Variants in CYP2R1 observed in about 807,000 individuals in gnomAD.
The protein encoded by CYP2R1 is vitamin D 25-hydroxylase.
A neutral mutation model predicts 45.7 loss-of-function variants in CYP2R1; 40 were observed. The ratio of observed to expected loss-of-function variants is 0.87; its 90% CI spans 0.68 to 1.14. CYP2R1 has a LOEUF of 1.14. Among genes scored for constraint, CYP2R1 ranks in the 50% most tolerant of loss-of-function variants. The probability of loss-of-function intolerance (pLI) is 0.00; values close to 1 mark genes in which losing one functional copy is unlikely to be tolerated. For synonymous variants in CYP2R1, 234 were observed against 219.3 expected (o/e 1.07, Z -0.59); for missense variants, 605 against 602.6 (o/e 1.00, Z -0.04).
rs371909934 is a variant in CYP2R1, at chr11:14,880,413, T to C, written c.723A>G (p.Gly241=). 1.9e-6 allele frequency: 3 copies of C among 1,613,286 alleles called. No homozygotes were observed. The highest frequency in any genetic ancestry group is 2.2e-5 in the East Asian group (1 of 44,858). The change falls in exon 3 of 5, where the codon GGA becomes GGG. Residue 241 remains glycine (G), a synonymous_variant. Transcript: ENST00000334636. ...CATTTCTAAACAGCTGTTGATGTTTTCCAAAAGGCAGGATGCCAATCCATG... is the reference window on the plus strand; with the variant it reads ...CATTTCTAAACAGCTGTTGATGTTTCCCAAAAGGCAGGATGCCAATCCATG... ...AFPWIGILPF[G]KHQQLFRNAA...
At position 14,880,311 on chromosome 11, in the gene CYP2R1, A is replaced by G. The variant is rs782571220; in HGVS notation, c.825T>C (p.His275=). 6.2e-7 allele frequency: 1 copy of G among 1,613,274 alleles called. No homozygotes were observed. The highest frequency in any genetic ancestry group is 8.5e-7 in the Non-Finnish European group (1 of 1,179,540). ...TCTCATCTAAATAAGCATCAACAAA[A>G]TGCTGAGGTAGCTGAGGCTTTCTGT... The part of the protein sequence containing the change: ...SVNRKPQLPQ[H]FVDAYLDEMD... Residue 275 remains histidine (H), a synonymous_variant, in exon 3 of 5, where the codon CAT becomes CAC. Transcript: ENST00000334636.
chr11:14,883,553 A>C (rs1388189307), intron 2 of CYP2R1, among the ~76,000 whole-genome samples: 4 of 151,902 alleles, frequency 2.6e-5, no homozygotes, highest in Admixed American at 6.5e-5. Flanking sequence ...TTAAAGACTT[A>C]AACGTTAGAC....
intron 1 of CYP2R1, chr11:14,886,520 G>C (rs1156330887): frequency 6.5e-6 from 1 of 153,666 alleles, no homozygotes; most frequent in Non-Finnish European, 1.4e-5. Context: ...TTACCACATA[G>C]GTTAGGTGGC....
At chr11:14,887,833 C>A (rs1848678017) in intron 1 of CYP2R1, 1 of 154,720 alleles carries the variant, frequency 6.5e-6, no homozygotes, top group South Asian at 2.0e-4. Context: ...TTTCTACCTT[C>A]AGAATATAAA....
intron 1 of CYP2R1, chr11:14,891,050 G>A (rs1848832878): frequency 3.0e-6 from 3 of 985,400 alleles, no homozygotes; most frequent in Non-Finnish European, 3.6e-6. Context: ...CTAGCGTCAG[G>A]CCTGTAGTTG....
In CYP2R1 at chr11:14,885,910, C is replaced by T. The variant is rs1555014387; in HGVS notation, c.233G>A (p.Ser78Asn). 3 of 1,613,250 alleles carry T rather than the reference C, an allele frequency of 1.9e-6. No homozygotes were observed. Among genetic ancestry groups the T allele is most frequent in the Admixed American group, 1.7e-5 (1 of 59,938 alleles). Reference protein sequence around the residue: ...KQSQVYGEIFSLDLGGISTVV... With the variant: ...KQSQVYGEIFNLDLGGISTVV... The stretch of plus-strand genomic sequence containing the variant: ...AGTTGATATGCCTCCAAGATCTAAA[C>T]TGAAGATCTTTGAGAAGAGAAGAAA... Residue 78 changes from serine to asparagine, a missense_variant, in exon 2 of 5, where the codon AGT (serine) becomes AAT (asparagine). Ser to Asn is a conservative substitution (Grantham distance 46). Coordinates refer to ENST00000334636, the MANE Select transcript of CYP2R1 (RefSeq NM_024514.5).
rs1277763004 is a variant in CYP2R1, at chr11:14,880,428, G to A, written c.708C>T (p.Gly236=). 1 of 1,613,368 alleles carries A rather than the reference G, an allele frequency of 6.2e-7. No homozygotes were observed. Among genetic ancestry groups the A allele is most frequent in the Admixed American group, 1.7e-5 (1 of 59,834 alleles). The part of the protein sequence containing the change: ...VFLYNAFPWI[G]ILPFGKHQQL... ...GTTGATGTTTTCCAAAAGGCAGGAT[G>A]CCAATCCATGGAAAGGCATTATACA... Residue 236 remains glycine, a synonymous_variant, in exon 3 of 5, where the codon GGC becomes GGT. Transcript: ENST00000334636.
intron 3 of CYP2R1, 90 bp from the exon 4 acceptor site, chr11:14,879,533 A>C: frequency 9.7e-7 from 1 of 1,028,662 alleles, no homozygotes; most frequent in East Asian, 2.6e-5. Context: ...AGGATAACCT[A>C]TAACAAGCCA....
intron 1 of CYP2R1, among the ~76,000 whole-genome samples, chr11:14,889,529 C>T (rs1175483463): frequency 2.6e-5 from 4 of 152,092 alleles, no homozygotes; most frequent in Non-Finnish European, 4.4e-5. Context: ...ATTTTTGCTC[C>T]TTTCAGTTTT....
chr11:14,885,994 T>TA (rs1555014490), intron 1 of CYP2R1, 77 bp from the exon 2 acceptor site: 1 of 1,402,490 alleles, frequency 7.1e-7, no homozygotes, highest in African/African-American at 1.4e-5. Flanking sequence ...CTACAAGTGG[T>TA]AAGTGCGGCT....
chr11:14,892,325 G>A, upstream of CYP2R1: 1 of 967,330 alleles, frequency 1.0e-6, no homozygotes, highest in South Asian at 1.5e-5. Flanking sequence ...GTGGCCATTG[G>A]CTGACTGAGT....
At chr11:14,887,635 A>G in intron 1 of CYP2R1, 1 of 985,378 alleles carries the variant, frequency 1.0e-6, no homozygotes, top group Non-Finnish European at 1.2e-6. Context: ...CTTGCCTTCT[A>G]GATCACTCCA....
At position 14,892,029 on chromosome 11, in the gene CYP2R1, G is replaced by A. The variant is rs12794714; in HGVS notation, c.177C>T (p.Ser59=). The A allele has an allele frequency of 0.41, 669,378 of 1,612,994 alleles. 142,827 individuals are homozygous for A. Among genetic ancestry groups the A allele is most frequent in the Admixed American group, 0.46 (27,618 of 59,982 alleles). The change falls in exon 1 of 5, where the codon TCC becomes TCT. Residue 59 remains serine (S), a synonymous_variant. Coordinates refer to ENST00000334636, the MANE Select transcript of CYP2R1 (RefSeq NM_024514.5). ...IGNIYSLAAS[S]ELPHVYMRKQ... The stretch of plus-strand genomic sequence containing the variant: ...TTCTCATGTAGACATGGGGAAGCTC[G>A]GATGAGGCTGCCAGGGAATAGATGT...
At chr11:14,883,084 A>G (rs1475356654) in intron 2 of CYP2R1, among the ~76,000 whole-genome samples, 3 of 152,214 alleles carry the variant, frequency 2.0e-5, no homozygotes, top group Admixed American at 1.3e-4. Flanking sequence ...GGAGGAATCA[A>G]TATCATGAAA....
chr11:14,885,698 G>C, intron 2 of CYP2R1, 78 bp downstream of exon 2: 2 of 1,431,172 alleles, frequency 1.4e-6, no homozygotes, highest in Non-Finnish European at 2.0e-6. Context: ...AATCCCAACT[G>C]TATGCACTAA....
At chr11:14,880,795 T>C in intron 2 of CYP2R1, 27 bp from the exon 3 acceptor site, 1 of 1,581,260 alleles carries the variant, frequency 6.3e-7, no homozygotes, top group South Asian at 1.2e-5. Flanking sequence ...AAATATTGTA[T>C]AATTCCTACT....
rs782709397 is a variant in CYP2R1, at chr11:14,892,028, C to A, written c.178G>T (p.Glu60Ter). ...TTTCTCATGTAGACATGGGGAAGCT[C>A]GGATGAGGCTGCCAGGGAATAGATG... ...GNIYSLAASS[E>*]LPHVYMRKQS... is the part of the protein sequence containing the mutation. The change falls in exon 1 of 5, where the codon GAG becomes TAG. Residue 60 changes from glutamate (E) to a stop codon, truncating the protein, a stop_gained. Transcript: ENST00000334636. LOFTEE classifies it high-confidence loss of function. The A allele has an allele frequency of 2.5e-6, 4 of 1,613,266 alleles. No homozygotes were observed. Among genetic ancestry groups the A allele is most frequent in the Non-Finnish European group, 3.4e-6 (4 of 1,179,710 alleles).
chr11:14,891,632 G>A (rs1374199478), intron 1 of CYP2R1: 10 of 1,101,982 alleles, frequency 9.1e-6, no homozygotes, highest in Non-Finnish European at 1.1e-5. Flanking sequence ...CCGCACCTGA[G>A]GGCATGCGTC....
Position 14,878,112 on chromosome 11 carries a change from C to T in CYP2R1, c.*10G>A. On this transcript the variant is annotated 3_prime_UTR_variant, in exon 5 of 5. Transcript: ENST00000334636. ...ATACATTCTTGTTCCCGAAAACATC[C>T]CAGGCAGTTTCAGCGTCTTTCAGCA... The T allele has an allele frequency of 6.2e-7, 1 of 1,612,626 alleles. No individual in the cohort carries two copies. Among genetic ancestry groups the T allele is most frequent in the Non-Finnish European group, 8.5e-7 (1 of 1,179,176 alleles).
Sources: allele counts gnomAD v4.1 joint callset (sites outside exome capture counted in the v4.1 genomes callset), GRCh38; gene constraint gnomAD v4.1.1; transcripts MANE v1.5; gene names NCBI Gene and HGNC (gene_info 2026-07-23, HGNC 2026-07-21).